IGSF8: variants seen among roughly 807,000 people sequenced by gnomAD.
IGSF8 encodes the protein CD81 partner 3.
IGSF8 carries 46 observed loss-of-function variants against 55.5 expected under a neutral mutation model. That is an observed-to-expected ratio of 0.83 (90% CI 0.65 to 1.06). IGSF8 has a LOEUF of 1.06. IGSF8 is among the 50% of genes least tolerant of loss of function. The pLI is 0.00. For synonymous variants in IGSF8, 314 were observed against 356.1 expected, an observed-to-expected ratio of 0.88 and a Z score of 1.33; for missense variants, 731 against 832.3, an observed-to-expected ratio of 0.88 and a Z score of 1.50.
At chr1:160,091,964 G>A (rs201425628) in intron 5 of IGSF8, 26 bp from the exon 6 acceptor site, 1 of 1,467,972 alleles carries the variant, frequency 6.8e-7, no homozygotes, top group East Asian at 2.3e-5. Context: ...TGACTGTTCA[G>A]AGAGGATGCC....
chr1:160,095,160 C>T lies in IGSF8; in HGVS notation c.151G>A (p.Val51Met). The T allele has an allele frequency of 6.2e-7, 1 of 1,613,288 alleles. No individual in the cohort carries two copies. Among genetic ancestry groups the T allele is most frequent in the Non-Finnish European group, 8.5e-7 (1 of 1,180,042 alleles). The stretch of plus-strand genomic sequence containing the variant: ...TGGGCAGGGCCCTCATAGCCGGTCA[C>T]ATTGCAGGAGATGGAGACAGCTGTG... ...AGTAVSISCN[V>M]TGYEGPAQQN... is the part of the protein sequence containing the mutation. Residue 51 changes from valine (V) to methionine (M), a missense_variant, in exon 2 of 7, where the codon GTG becomes ATG. Coordinates refer to ENST00000314485, the MANE Select transcript of IGSF8 (RefSeq NM_052868.6).
At chr1:160,098,293 A>C (rs1340906656) in intron 1 of IGSF8, 116 bp downstream of exon 1, 4 of 1,406,416 alleles carry the variant, frequency 2.8e-6, no homozygotes, top group Non-Finnish European at 3.8e-6. Context: ...GACCCCGGGG[A>C]GGCTGGAGGT....
intron 4 of IGSF8, 55 bp downstream of exon 4, chr1:160,092,869 A>G: frequency 2.6e-6 from 4 of 1,542,602 alleles, no homozygotes; most frequent in Non-Finnish European, 3.5e-6. Context: ...ATGGAAACAG[A>G]AGGAAAAGGG....
chr1:160,099,465 G>A (rs895298657), upstream of IGSF8, among the ~76,000 whole-genome samples: 2 of 152,174 alleles, frequency 1.3e-5, no homozygotes, highest in African/African-American at 2.4e-5. Context: ...AAAGAAAAAT[G>A]GATTAGGAGA....
rs1054840153 is a variant in IGSF8 at position 160,094,284 on chromosome 1, C to A, written c.443-113G>T. ...CTGTGAGCTCCCAGAGGGCAAAGAT[C>A]GCATGTTGTATTATTTCTTCTGTAA... On this transcript the variant is annotated intron_variant, in intron 2 of 6. Transcript: ENST00000314485. This position sits in a 1 kb window ranked among gnomAD's most constrained non-coding sequence, Gnocchi z 4.0. 40 of 695,434 alleles carry A rather than the reference C, an allele frequency of 5.8e-5. 1 individual carries two copies. In the South Asian group the frequency reaches 7.3e-4, roughly 13 times the overall value. The allele number at this position is 695,434 out of a possible 1,614,324, so 43.1% of individuals were successfully genotyped here.
chr1:160,093,947 G>T lies in IGSF8; in HGVS notation c.667C>A (p.Arg223=), dbSNP rs149050765. 12 of 1,614,120 alleles carry T rather than the reference G, an allele frequency of 7.4e-6. No homozygotes were observed. In the African/African-American group the frequency reaches 1.5e-4, roughly 20 times the overall value. The change falls in exon 3 of 7, where the codon CGG becomes AGG. Residue 223 remains arginine (R), a synonymous_variant. Coordinates refer to ENST00000314485, the MANE Select transcript of IGSF8 (RefSeq NM_052868.6). ...CCAGCCTCCACGGCCAAGTCTGACC[G>T]GATTCCCACCACTTCCTGCAGAGTT... ...RSTLQEVVGI[R]SDLAVEAGAP... is the part of the protein sequence containing the mutation.
intron 1 of IGSF8, among the ~76,000 whole-genome samples, 163 bp downstream of exon 1, chr1:160,098,246 T>C (rs1650575290): frequency 6.6e-6 from 1 of 151,770 alleles, no homozygotes; most frequent in Admixed American, 6.6e-5. Flanking sequence ...TTCCCAAGAC[T>C]GGCTCGGCGG....
At chr1:160,098,314 G>A (rs1324680056) in intron 1 of IGSF8, 95 bp downstream of exon 1, 1 of 1,484,572 alleles carries the variant, frequency 6.7e-7, no homozygotes, top group Non-Finnish European at 9.0e-7. Context: ...ACCCCTGACG[G>A]AGGAGGATGT....
In IGSF8 at chr1:160,091,791, G is replaced by A; in HGVS notation, c.*15+17C>T. On this transcript the variant is annotated intron_variant, in intron 6 of 6. Transcript: ENST00000314485. The stretch of plus-strand genomic sequence containing the variant: ...GAAGCCCAATGAAAACAAGGTTGGG[G>A]GGTTCTTTTCCCTCACCTGGGGAGT... The A allele has an allele frequency of 6.7e-7, 1 of 1,495,884 alleles. No individual in the cohort carries two copies. The highest frequency in any genetic ancestry group is 1.1e-5 in the South Asian group (1 of 88,844). 92.7% of individuals were successfully genotyped at this position (1,495,884 alleles called of 1,614,324 possible).
chr1:160,091,925 T>C lies in IGSF8; in HGVS notation c.1740A>G (p.Leu580=), dbSNP rs753167147. Residue 580 remains leucine (L), a synonymous_variant, in exon 6 of 7, where the codon CTA becomes CTG. Transcript: ENST00000314485. ...VYPYMHALDT[L]FVPLLVGTGV... is the part of the protein sequence containing the mutation. ...CTGTACCCACCAGCAGAGGCACAAATAGGGTGTCCAGGGCTGGGGGAGAGA... is the reference window on the plus strand; with the variant it reads ...CTGTACCCACCAGCAGAGGCACAAACAGGGTGTCCAGGGCTGGGGGAGAGA... 27 of 1,610,760 alleles carry C rather than the reference T, an allele frequency of 1.7e-5. No individual in the cohort carries two copies. Among genetic ancestry groups the C allele is most frequent in the Non-Finnish European group, 2.2e-5 (26 of 1,177,584 alleles).
At position 160,092,968 on chromosome 1, in the gene IGSF8, G is replaced by A. The variant is rs766599948; in HGVS notation, c.1268C>T (p.Ala423Val). The A allele has an allele frequency of 1.2e-6, 2 of 1,610,468 alleles. No homozygotes were observed. Among genetic ancestry groups the A allele is most frequent in the Admixed American group, 1.7e-5 (1 of 59,938 alleles). The change falls in exon 4 of 7, where the codon GCC (alanine) becomes GTC (valine). Residue 423 changes from alanine (A) to valine (V), a missense_variant. Coordinates refer to ENST00000314485, the MANE Select transcript of IGSF8 (RefSeq NM_052868.6). ...RGSGTRLREA[A>V]SARSRPLPVH... ...AGGGAGAGGCCGGGAACGGGCACTGGCTGCTTCACGAAGCCGGGTCCCAGA... is the reference window on the plus strand; with the variant it reads ...AGGGAGAGGCCGGGAACGGGCACTGACTGCTTCACGAAGCCGGGTCCCAGA...
intron 1 of IGSF8, among the ~76,000 whole-genome samples, 198 bp downstream of exon 1, chr1:160,098,211 G>A (rs1175759166): frequency 6.6e-6 from 1 of 152,254 alleles, no homozygotes; most frequent in Admixed American, 6.5e-5. Context: ...CCAGTCCCTG[G>A]CTTAGAGCTG....
chr1:160,098,456 G>T lies in IGSF8; in HGVS notation c.17C>A (p.Pro6His). The T allele has an allele frequency of 6.5e-7, 1 of 1,544,640 alleles. No homozygotes were observed. The change falls in exon 1 of 7, where the codon CCC becomes CAC. Residue 6 changes from proline to histidine, a missense_variant. Coordinates refer to ENST00000314485, the MANE Select transcript of IGSF8 (RefSeq NM_052868.6). The part of the protein sequence containing the change: MGALR[P>H]TLLPPSLPLL... ...CGGCAGCGAAGGCGGCAGCAGCGTG[G>T]GCCTGAGGGCGCCCATCCTGCGCGG...
intron 1 of IGSF8, among the ~76,000 whole-genome samples, chr1:160,097,305 G>C (rs1030299643): frequency 6.6e-6 from 1 of 152,088 alleles, no homozygotes; most frequent in African/African-American, 2.4e-5. Flanking sequence ...GGCAACCCAG[G>C]CCCCACAGCG....
intron 1 of IGSF8, chr1:160,097,661 C>T (rs1650523796): frequency 2.0e-6 from 2 of 984,432 alleles, no homozygotes; most frequent in African/African-American, 1.7e-5. Context: ...TGTCATTATC[C>T]CCATGCATCC....
At chr1:160,096,186 G>GGGCTTA (rs1650422849) in intron 1 of IGSF8, among the ~76,000 whole-genome samples, 1 of 152,036 alleles carries the variant, frequency 6.6e-6, no homozygotes, top group East Asian at 1.9e-4. Context: ...CAGACTTAGA[G>GGGCTTA]GGCTTAGCTC....
At position 160,098,500 on chromosome 1, in the gene IGSF8, C is replaced by T; in HGVS notation, c.-28G>A. ...TGCGCGGCCAGCTCTGGGGAGGCTC[C>T]GGGGGATGGCGCGGGTTCTGGGGGG... On this transcript the variant is annotated 5_prime_UTR_variant, in exon 1 of 7. Transcript: ENST00000314485. 1 of 1,325,016 alleles carries T rather than the reference C, an allele frequency of 7.5e-7. No homozygotes were observed. Among genetic ancestry groups the T allele is most frequent in the Non-Finnish European group, 9.8e-7 (1 of 1,023,000 alleles). 82.1% of individuals were successfully genotyped at this position (1,325,016 alleles called of 1,614,324 possible).
rs201485931 is a variant in IGSF8 at position 160,093,993 on chromosome 1, G to C, written c.621C>G (p.Pro207=). ...HLAVSFGRSV[P]EAPVGRSTLQ... ...GAGTTGACCGCCCAACTGGTGCCTC[G>C]GGCACAGATCGCCCAAAGGACACTG... The change falls in exon 3 of 7, where the codon CCC becomes CCG. Residue 207 remains proline, a synonymous_variant. Transcript: ENST00000314485. 6.2e-7 allele frequency: 1 copy of C among 1,614,226 alleles called. No individual in the cohort carries two copies. Among genetic ancestry groups the C allele is most frequent in the East Asian group, 2.2e-5 (1 of 44,890 alleles).
rs200856028 is a variant in IGSF8 at position 160,093,137 on chromosome 1, C to T, written c.1099G>A (p.Val367Met). 194 of 1,613,780 alleles carry T rather than the reference C, an allele frequency of 1.2e-4. 1 individual carries two copies. The highest frequency in any genetic ancestry group is 1.1e-4 in the Non-Finnish European group (130 of 1,179,808). The change falls in exon 4 of 7, where the codon GTG (valine) becomes ATG (methionine). Residue 367 changes from valine to methionine, a missense_variant. Transcript: ENST00000314485. ...TCATAGCCAGGGCCCAGGCTGCCCA[C>T]ACCCTCTGTGTCCAGCTGGGCTACC... ...RLVAQLDTEG[V>M]GSLGPGYEGR... is the part of the protein sequence containing the mutation.
Sources: allele counts gnomAD v4.1 joint callset (sites outside exome capture counted in the v4.1 genomes callset), GRCh38; gene constraint gnomAD v4.1.1; non-coding constraint Gnocchi (gnomAD v3.1); transcripts MANE v1.5; gene names NCBI Gene and HGNC (gene_info 2026-07-23, HGNC 2026-07-21).